NOL6: variants seen among roughly 807,000 people sequenced by gnomAD.
NOL6 encodes the protein nucleolar protein 6, also known as nucleolar RNA-associated protein.
A neutral mutation model predicts 131.7 loss-of-function variants in NOL6; 33 were observed. The observed-to-expected ratio is 0.25, with a 90% CI of 0.19 to 0.33. The LOEUF (loss-of-function observed/expected upper bound fraction) is 0.33, where lower values mean the gene tolerates loss of function less well. Ranked by LOEUF, NOL6 falls within the 10% of genes least tolerant of loss-of-function variation. The pLI is 1.00. For synonymous variants in NOL6, 580 were observed against 605.7 expected (o/e 0.96, Z 0.62); for missense variants, 1,297 against 1,494.5 (o/e 0.87, Z 2.18).
chr9:33,468,095 G>T lies in NOL6; in HGVS notation c.1359C>A (p.Asp453Glu), dbSNP rs548686142. 6.2e-7 allele frequency: 1 copy of T among 1,614,012 alleles called. No homozygotes were observed. Among genetic ancestry groups the T allele is most frequent in the African/African-American group, 1.3e-5 (1 of 74,904 alleles). Residue 453 changes from aspartate (D) to glutamate (E), a missense_variant, in exon 11 of 26, where the codon GAC becomes GAA. Asp to Glu is a conservative substitution (Grantham distance 45). Coordinates refer to ENST00000297990, the MANE Select transcript of NOL6 (RefSeq NM_022917.5). The stretch of plus-strand genomic sequence containing the variant: ...TCATCAACAGCAGGTGGAACCCGTC[G>T]TCAGCTCTGCTGTCCAGCAACATCA... ...LSMMLLDSRA[D>E]DGFHLLLMTP...
At position 33,467,194 on chromosome 9, in the gene NOL6, C is replaced by T. The variant is rs1827270903; in HGVS notation, c.1794G>A (p.Arg598=). 2 of 1,614,186 alleles carry T rather than the reference C, an allele frequency of 1.2e-6. No homozygotes were observed. Among genetic ancestry groups the T allele is most frequent in the Non-Finnish European group, 1.7e-6 (2 of 1,180,038 alleles). ...ELRRFQDGAI[R]EAVVWEAASM... ...AGGCTGCCTCCCAGACCACAGCTTC[C>T]CGAATGGCTCCGTCCTGGAAACGCC... Residue 598 remains arginine, a synonymous_variant, in exon 14 of 26, where the codon CGG becomes CGA. Transcript: ENST00000297990. This position sits in a 1 kb window ranked among gnomAD's most constrained non-coding sequence, Gnocchi z 4.4.
At position 33,468,071 on chromosome 9, in the gene NOL6, C is replaced by A; in HGVS notation, c.1383G>T (p.Met461Ile). The change falls in exon 11 of 26, where the codon ATG becomes ATT. Residue 461 changes from methionine to isoleucine, a missense_variant. Physicochemically the swap from Met to Ile is conservative, Grantham distance 10. Coordinates refer to ENST00000297990, the MANE Select transcript of NOL6 (RefSeq NM_022917.5). ...AAGCCCGGATCATGGGTTTGGGAGT[C>A]ATCAACAGCAGGTGGAACCCGTCGT... ...RADDGFHLLL[M>I]TPKPMIRAFD... 1 of 1,614,130 alleles carries A rather than the reference C, an allele frequency of 6.2e-7. No homozygotes were observed. Among genetic ancestry groups the A allele is most frequent in the Non-Finnish European group, 8.5e-7 (1 of 1,180,024 alleles).
Position 33,467,001 on chromosome 9 carries a change from A to C in NOL6, c.1875-14T>G. ...ATGTCAGCATGGCTGAAAAAGAGGC[A>C]GAGACACAGTGAGAAAATTTGGGGC... On this transcript the variant is annotated splice_polypyrimidine_tract_variant and intron_variant, in intron 14 of 25. Coordinates refer to ENST00000297990, the MANE Select transcript of NOL6 (RefSeq NM_022917.5). The surrounding 1 kb of genome is among the most constrained non-coding windows in gnomAD (Gnocchi z 4.4). The C allele has an allele frequency of 6.2e-7, 1 of 1,614,160 alleles. No individual in the cohort carries two copies. Among genetic ancestry groups the C allele is most frequent in the Non-Finnish European group, 8.5e-7 (1 of 1,180,012 alleles).
chr9:33,469,153 A>G (rs755884206), intron 6 of NOL6, 32 bp from the exon 7 acceptor site: 4 of 1,614,038 alleles, frequency 2.5e-6, no homozygotes, highest in South Asian at 1.1e-5. Context: ...CATGAGAGGA[A>G]AAGTCCCCAC....
At chr9:33,471,742 T>C (rs987625617) in intron 3 of NOL6, among the ~76,000 whole-genome samples, 1 of 152,266 alleles carries the variant, frequency 6.6e-6, no homozygotes, top group African/African-American at 2.4e-5. Context: ...TTACCTGTTA[T>C]GCTTATCTAT....
intron 25 of NOL6, 49 bp downstream of exon 25, chr9:33,462,984 A>G: frequency 1.3e-6 from 2 of 1,576,710 alleles, no homozygotes; most frequent in Non-Finnish European, 1.7e-6. Flanking sequence ...ATGCCCACAC[A>G]GAACCACGTG....
chr9:33,463,498 A>C, intron 23 of NOL6, 57 bp from the exon 24 acceptor site: 1 of 1,481,838 alleles, frequency 6.7e-7, no homozygotes, highest in Non-Finnish European at 9.2e-7. Context: ...GAACTGGACC[A>C]CAAACCTCTC....
In NOL6 at chr9:33,465,310, G is replaced by T; in HGVS notation, c.2578C>A (p.Arg860=). 1.3e-6 allele frequency: 2 copies of T among 1,590,726 alleles called. No individual in the cohort carries two copies. The highest frequency in any genetic ancestry group is 1.7e-6 in the Non-Finnish European group (2 of 1,167,854). The part of the protein sequence containing the change: ...AFSGVARLAK[R]WVRAQLLGEG... ...CCAAGAAGCTGGGCACGCACCCACC[G>T]CTTGGCCAGCCGTGCCACACCAGAG... Residue 860 remains arginine (R), a synonymous_variant, in exon 20 of 26, where the codon CGG becomes AGG. Transcript: ENST00000297990.
At chr9:33,469,966 AG>A (rs1156238751) in intron 4 of NOL6, 45 bp downstream of exon 4, 8 of 1,482,052 alleles carry the variant, frequency 5.4e-6, no homozygotes, top group Non-Finnish European at 7.2e-6. Flanking sequence ...CAGGATTTGT[AG>A]GTAGTCAGGT....
chr9:33,463,517 C>T, intron 23 of NOL6, 76 bp from the exon 24 acceptor site: 1 of 1,366,742 alleles, frequency 7.3e-7, no homozygotes, highest in Non-Finnish European at 1.0e-6. Context: ...TCCACACGCC[C>T]ACCTTGGTTT....
chr9:33,466,800 C>T, intron 15 of NOL6, 91 bp from the exon 16 acceptor site: 7 of 1,577,140 alleles, frequency 4.4e-6, no homozygotes, highest in Non-Finnish European at 6.1e-6. Flanking sequence ...GCAGAGCCAG[C>T]ACCGCCGCCT....
At position 33,461,799 on chromosome 9, in the gene NOL6, A is replaced by G. The variant is rs1018931284; in HGVS notation, c.*865T>C. ...TTACAGGAAGCAGAGAGGCTACCAG[A>G]AAGTGGGTGTAGACCAGACTGAAAG... On this transcript the variant is annotated 3_prime_UTR_variant, in exon 26 of 26. Coordinates refer to ENST00000297990, the MANE Select transcript of NOL6 (RefSeq NM_022917.5). The G allele has an allele frequency of 9.8e-6, 2 of 204,430 alleles. No individual in the cohort carries two copies. Among genetic ancestry groups the G allele is most frequent in the African/African-American group, 4.6e-5 (2 of 43,802 alleles). The allele number at this position is 204,430 out of a possible 1,614,324, so 12.7% of individuals were successfully genotyped here.
chr9:33,473,412 G>T (rs1319880952), intron 1 of NOL6, among the ~76,000 whole-genome samples: 1 of 152,162 alleles, frequency 6.6e-6, no homozygotes, highest in Non-Finnish European at 1.5e-5. Context: ...TTACTGGAGC[G>T]CTCCAGGAGA....
intron 16 of NOL6, 27 bp from the exon 17 acceptor site, chr9:33,466,452 G>C (rs746959623): frequency 6.2e-7 from 1 of 1,613,216 alleles, no homozygotes; most frequent in South Asian, 1.1e-5. Context: ...GCTGAGGAAT[G>C]GGCCTAGGAC....
chr9:33,469,947 A>G, intron 4 of NOL6, 65 bp downstream of exon 4: 1 of 1,447,402 alleles, frequency 6.9e-7, no homozygotes, highest in Non-Finnish European at 9.3e-7. Context: ...CAGATAAGAA[A>G]GAGGGATCCA....
In NOL6 at chr9:33,469,246, G is replaced by A. The variant is rs753538678; in HGVS notation, c.823C>T (p.Arg275Cys). The A allele has an allele frequency of 1.2e-5, 19 of 1,614,072 alleles. No homozygotes were observed. Among genetic ancestry groups the A allele is most frequent in the East Asian group, 2.2e-5 (1 of 44,888 alleles). Reference protein sequence around the residue: ...CRLLPTKNNVRSAWYRGQSPA... With the variant: ...CRLLPTKNNVCSAWYRGQSPA... ...CTCTGCCCTCGGTACCAGGCAGAGC[G>A]CACATTGTTCTTGGTTGGCAGCAAG... Residue 275 changes from arginine to cysteine, a missense_variant, in exon 6 of 26, where the codon CGC (arginine) becomes TGC (cysteine). Physicochemically the swap from Arg to Cys is radical, Grantham distance 180. Transcript: ENST00000297990.
rs1827115903 is a variant in NOL6, at chr9:33,462,342, G to A, written c.*322C>T. ...TCTGGAAGAAGACTAAGAAAGGAGT[G>A]GGAAATCGCAGGGAGGTCCAGGCCC... is the stretch of plus-strand genomic sequence containing the variant. On this transcript the variant is annotated 3_prime_UTR_variant, in exon 26 of 26. Transcript: ENST00000297990. 3 of 669,848 alleles carry A rather than the reference G, an allele frequency of 4.5e-6. No homozygotes were observed. In the Admixed American group the frequency reaches 6.4e-5, roughly 14 times the overall value. 41.5% of individuals were successfully genotyped at this position (669,848 alleles called of 1,614,324 possible). A position where few individuals can be genotyped will look rare whatever the true frequency, so the allele number is the denominator to read the frequency against.
intron 1 of NOL6, among the ~76,000 whole-genome samples, chr9:33,472,947 T>C (rs911824365): frequency 1.6e-5 from 2 of 128,392 alleles, no homozygotes; most frequent in East Asian, 4.4e-4. Flanking sequence ...CATTCTAGCC[T>C]GGGCAACAGA....
chr9:33,473,572 G>A (rs939386221), intron 1 of NOL6, among the ~76,000 whole-genome samples: 1 of 152,182 alleles, frequency 6.6e-6, no homozygotes, highest in African/African-American at 2.4e-5. Context: ...CTCCAGAAGA[G>A]AGCAGAGGCT....
Sources: allele counts gnomAD v4.1 joint callset (sites outside exome capture counted in the v4.1 genomes callset), GRCh38; gene constraint gnomAD v4.1.1; non-coding constraint Gnocchi (gnomAD v3.1); transcripts MANE v1.5; gene names NCBI Gene and HGNC (gene_info 2026-07-23, HGNC 2026-07-21).